PLCE1: variants seen among roughly 807,000 people sequenced by gnomAD.
The protein encoded by PLCE1 is 1-phosphatidylinositol 4,5-bisphosphate phosphodiesterase epsilon-1.
Under a neutral mutation model 242.8 loss-of-function variants are expected in PLCE1, and 119 were observed. That is an observed-to-expected ratio of 0.49 (90% confidence interval 0.42 to 0.57). The LOEUF (loss-of-function observed/expected upper bound fraction) is 0.57. Ranked by LOEUF, PLCE1 falls within the 20% of genes least tolerant of loss-of-function variation. The pLI, the probability that PLCE1 is intolerant of heterozygous loss-of-function variation, is 0.00. For missense variants in PLCE1, 2,441 were observed against 2,788.8 expected (o/e 0.88, Z 2.81); for synonymous variants, 945 against 1,017.4 (o/e 0.93, Z 1.35).
chr10:94,130,238 A>G (rs1461868719), intron 2 of PLCE1, among the ~76,000 whole-genome samples: 4 of 152,208 alleles, frequency 2.6e-5, no homozygotes, highest in Non-Finnish European at 5.9e-5. Flanking sequence ...CAGTACACCC[A>G]AATAGGGTTA....
intron 2 of PLCE1, among the ~76,000 whole-genome samples, chr10:94,047,956 A>G (rs1232478051): frequency 1.3e-5 from 2 of 152,182 alleles, no homozygotes; most frequent in Admixed American, 6.5e-5. Context: ...GGTGATTACT[A>G]TGTGAATTCA....
chr10:94,075,585 C>T (rs964606166), intron 2 of PLCE1, among the ~76,000 whole-genome samples: 5 of 152,170 alleles, frequency 3.3e-5, no homozygotes, highest in African/African-American at 4.8e-5. Flanking sequence ...GCATTGGTAT[C>T]GGTGTCTAGC....
At chr10:94,291,271 G>A (rs2052636965) in intron 22 of PLCE1, among the ~76,000 whole-genome samples, 1 of 152,124 alleles carries the variant, frequency 6.6e-6, no homozygotes, top group African/African-American at 2.4e-5. Context: ...CTACTGGTGT[G>A]CACCACTGCA....
Position 94,031,217 on chromosome 10 carries a change from G to C in PLCE1, c.171G>C (p.Leu57=). Reference sequence around the variant, plus strand: ...AGACTTCTCATACCATCTCACAACTGAACAAACTTAAAGAAGAACCTTCTG... The same window carrying C: ...AGACTTCTCATACCATCTCACAACTCAACAAACTTAAAGAAGAACCTTCTG... ...SGETSHTISQ[L]NKLKEEPSGS... Residue 57 remains leucine (L), a synonymous_variant, in exon 2 of 33, where the codon CTG becomes CTC. Coordinates refer to ENST00000371380, the MANE Select transcript of PLCE1 (RefSeq NM_016341.4). The C allele has an allele frequency of 1.2e-6, 2 of 1,613,766 alleles. No homozygotes were observed. Among genetic ancestry groups the C allele is most frequent in the African/African-American group, 1.3e-5 (1 of 75,006 alleles).
In PLCE1 at chr10:94,032,231, G is replaced by A. The variant is rs762259865; in HGVS notation, c.1185G>A (p.Leu395=). 31 of 1,613,196 alleles carry A rather than the reference G, an allele frequency of 1.9e-5. No individual in the cohort carries two copies. The Admixed American group carries it at 2.8e-4, about 15-fold the overall frequency. The change falls in exon 2 of 33, where the codon CTG becomes CTA. Residue 395 remains leucine (L), a synonymous_variant. Coordinates refer to ENST00000371380, the MANE Select transcript of PLCE1 (RefSeq NM_016341.4). Reference sequence around the variant, plus strand: ...TAAGGCAAGATGGGAGCCAACGTCTGTCAGAAGCCCAGTGGTATCCTGTAA... The same window carrying A: ...TAAGGCAAGATGGGAGCCAACGTCTATCAGAAGCCCAGTGGTATCCTGTAA... ...VEIRQDGSQR[L]SEAQWYPIYN...
intron 28 of PLCE1, chr10:94,314,844 A>ATT (rs2053513487): frequency 6.6e-6 from 1 of 152,206 alleles, no homozygotes; most frequent in South Asian, 2.1e-4. Context: ...AACTGACTTA[A>ATT]ATAGAGAAAA....
Position 94,171,214 on chromosome 10 carries a change from T to C in PLCE1, c.1527T>C (p.Asn509=). 1 of 1,614,204 alleles carries C rather than the reference T, an allele frequency of 6.2e-7. No individual in the cohort carries two copies. Among genetic ancestry groups the C allele is most frequent in the Middle Eastern group, 1.6e-4 (1 of 6,062 alleles). The change falls in exon 4 of 33, where the codon AAT becomes AAC. Residue 509 remains asparagine (N), a synonymous_variant. Transcript: ENST00000371380. Reference sequence around the variant, plus strand: ...CAGGCCCCTCTGTGGCCAATTCCAATGCCCTCCCTTCAAGTTCAGCTGGGA... The same window carrying C: ...CAGGCCCCTCTGTGGCCAATTCCAACGCCCTCCCTTCAAGTTCAGCTGGGA... ...RQPGPSVANS[N]ALPSSSAGIS... is the part of the protein sequence containing the mutation.
chr10:94,106,484 G>A (rs2045738825), intron 2 of PLCE1, among the ~76,000 whole-genome samples: 1 of 152,040 alleles, frequency 6.6e-6, no homozygotes, highest in African/African-American at 2.4e-5. Context: ...TTTCCCTTAG[G>A]AACAATGCTG....
At chr10:94,102,742 T>C (rs2045584598) in intron 2 of PLCE1, among the ~76,000 whole-genome samples, 1 of 152,156 alleles carries the variant, frequency 6.6e-6, no homozygotes, top group African/African-American at 2.4e-5. Flanking sequence ...TCCCATCTCC[T>C]CATCCTGGTG....
Position 94,049,962 on chromosome 10 carries a change from C to T in PLCE1, c.1206+17710C>T, listed in dbSNP as rs561367790. Reference sequence around the variant, plus strand: ...AGTTATAGTTTGTACATTCTCATTGCTATTTCCCATTTCATTTCATGAATA... The same window carrying T: ...AGTTATAGTTTGTACATTCTCATTGTTATTTCCCATTTCATTTCATGAATA... On this transcript the variant is annotated intron_variant, in intron 2 of 32. Transcript: ENST00000371380. Among the ~76,000 whole-genome samples the T allele has an allele frequency of 4.6e-5, 7 of 152,278 alleles. No homozygotes were observed. In the South Asian group the frequency reaches 1.0e-3, roughly 23 times the overall value.
intron 4 of PLCE1, among the ~76,000 whole-genome samples, chr10:94,196,937 T>C (rs1025276310): frequency 2.0e-5 from 3 of 152,214 alleles, no homozygotes; most frequent in African/African-American, 7.2e-5. Flanking sequence ...AAATCAATTT[T>C]AGGATATGAT....
chr10:94,328,778 GTTT>G lies in PLCE1; in HGVS notation c.*841_*843del, dbSNP rs909838936. ...TTTTTACATATAGAAATAATATTGG[GTTT>G]TTTTTAAGGTTATTGCCTATTCAGT... On this transcript the variant is annotated 3_prime_UTR_variant, in exon 33 of 33. Coordinates refer to ENST00000371380, the MANE Select transcript of PLCE1 (RefSeq NM_016341.4). 1.3e-5 allele frequency: 2 copies of G among 151,812 alleles called. No individual in the cohort carries two copies. The highest frequency in any genetic ancestry group is 2.4e-5 in the African/African-American group (1 of 41,402). The allele number at this position is 151,812 out of a possible 1,614,324, so 9.4% of individuals were successfully genotyped here.
chr10:94,221,693 C>T (rs2049752164), intron 4 of PLCE1, among the ~76,000 whole-genome samples: 1 of 152,012 alleles, frequency 6.6e-6, no homozygotes, highest in African/African-American at 2.4e-5. Context: ...CAAAATCGTG[C>T]CATTGCACTC....
intron 7 of PLCE1, among the ~76,000 whole-genome samples, chr10:94,244,501 C>T (rs1216873995): frequency 6.6e-6 from 1 of 152,198 alleles, no homozygotes; most frequent in African/African-American, 2.4e-5. Context: ...CTTCACTGTT[C>T]TCTGATCCTC....
chr10:94,058,333 G>A (rs1236779421), intron 2 of PLCE1, among the ~76,000 whole-genome samples: 2 of 152,172 alleles, frequency 1.3e-5, no homozygotes, highest in Non-Finnish European at 2.9e-5. Context: ...AATTAGAAAT[G>A]TCAACAGCAG....
chr10:94,000,350 T>C (rs1029056340), intron 1 of PLCE1, among the ~76,000 whole-genome samples: 1 of 152,220 alleles, frequency 6.6e-6, no homozygotes, highest in African/African-American at 2.4e-5. Flanking sequence ...CTGCATGGCC[T>C]TGTGCAAGAT....
At chr10:94,085,862 A>G (rs1372213971) in intron 2 of PLCE1, among the ~76,000 whole-genome samples, 2 of 152,220 alleles carry the variant, frequency 1.3e-5, no homozygotes, top group Non-Finnish European at 2.9e-5. Context: ...TCATTTGGCC[A>G]TTGTGCTCAA....
intron 2 of PLCE1, among the ~76,000 whole-genome samples, chr10:94,036,517 G>A (rs762744746): frequency 6.6e-5 from 10 of 152,004 alleles, no homozygotes; most frequent in Non-Finnish European, 1.2e-4. Context: ...GCTTTGAATG[G>A]AAAACATTAA....
intron 2 of PLCE1, among the ~76,000 whole-genome samples, chr10:94,101,119 G>A (rs1002041635): frequency 1.3e-5 from 2 of 152,126 alleles, no homozygotes; most frequent in African/African-American, 2.4e-5. Context: ...AAGCCCTGCC[G>A]AGGCAGCGTG....
Sources: gnomAD v4.1 joint callset for allele counts (sites outside exome capture counted in the v4.1 genomes callset) on GRCh38, gnomAD v4.1.1 for gene constraint, MANE v1.5 for transcripts, NCBI Gene and HGNC (gene_info 2026-07-23, HGNC 2026-07-21) for gene names.